HEMK2: variants seen among roughly 807,000 people sequenced by gnomAD.
The protein encoded by HEMK2 is HemK methyltransferase 2, ETF1 glutamine and histone H4 lysine.
At chr21:28,791,949 A>C in the HEMK2 span, among the ~76,000 whole-genome samples, 2 of 152,146 alleles carry the variant, frequency 1.3e-5, no homozygotes, top group Non-Finnish European at 2.9e-5. Context: ...GAAGAAAAAA[A>C]AAGAAAGCCC....
At chr21:28,715,485 AG>A in the HEMK2 span, among the ~76,000 whole-genome samples, 294 of 152,110 alleles carry the variant, frequency 1.9e-3, 2 homozygotes, top group African/African-American at 6.9e-3. Flanking sequence ...ACTTTTTAAT[AG>A]GGTTATTTAT....
the HEMK2 span, among the ~76,000 whole-genome samples, chr21:28,730,869 A>G: frequency 1.3e-5 from 2 of 152,086 alleles, no homozygotes; most frequent in African/African-American, 4.8e-5. Flanking sequence ...AAGAGATTAT[A>G]CATGTGTGTG....
the HEMK2 span, among the ~76,000 whole-genome samples, chr21:28,881,213 T>G: frequency 6.6e-6 from 1 of 152,220 alleles, no homozygotes; most frequent in Non-Finnish European, 1.5e-5. Flanking sequence ...TTCTTCTGAT[T>G]TAATTTCCTT....
At chr21:28,793,775 T>C in the HEMK2 span, among the ~76,000 whole-genome samples, 8 of 152,196 alleles carry the variant, frequency 5.3e-5, no homozygotes, top group African/African-American at 1.9e-4. Context: ...ACAAGTGCTT[T>C]ATAAGAAGCA....
chr21:28,861,288 A>G, the HEMK2 span, among the ~76,000 whole-genome samples: 152,341 of 152,342 alleles, frequency 1, 76,170 homozygotes, highest in Non-Finnish European at 1. Flanking sequence ...TGCTGTAATA[A>G]ACAGCAGAGG....
At chr21:28,812,141 C>T in the HEMK2 span, among the ~76,000 whole-genome samples, 14 of 152,084 alleles carry the variant, frequency 9.2e-5, no homozygotes, top group African/African-American at 3.4e-4. Context: ...TGTGGTCTAG[C>T]CAGAAGTATT....
the HEMK2 span, among the ~76,000 whole-genome samples, chr21:28,773,006 T>A: frequency 6.6e-6 from 1 of 152,168 alleles, no homozygotes; most frequent in Non-Finnish European, 1.5e-5. Flanking sequence ...CAAATAAAAA[T>A]TGCTTCAAGT....
At chr21:28,749,754 G>A in the HEMK2 span, among the ~76,000 whole-genome samples, 24,352 of 152,110 alleles carry the variant, frequency 0.16, 2,216 homozygotes, top group East Asian at 0.25. Flanking sequence ...AGAGGACATG[G>A]CTCTCGGCCA....
the HEMK2 span, among the ~76,000 whole-genome samples, chr21:28,756,059 T>TA: frequency 6.6e-6 from 1 of 152,148 alleles, no homozygotes; most frequent in Non-Finnish European, 1.5e-5. Flanking sequence ...TCATGAGTGT[T>TA]CTCCATAACT....
chr21:28,663,977 G>A, the HEMK2 span, among the ~76,000 whole-genome samples: 7 of 152,156 alleles, frequency 4.6e-5, no homozygotes, highest in African/African-American at 7.2e-5. Flanking sequence ...ACATACATAC[G>A]CATTGTACAT....
At chr21:28,794,719 A>T in the HEMK2 span, among the ~76,000 whole-genome samples, 1 of 152,262 alleles carries the variant, frequency 6.6e-6, no homozygotes, top group Non-Finnish European at 1.5e-5. Context: ...CACTGACTAC[A>T]GAGTTGACAA....
chr21:28,848,528 C>T, the HEMK2 span, among the ~76,000 whole-genome samples: 1 of 152,058 alleles, frequency 6.6e-6, no homozygotes, highest in African/African-American at 2.4e-5. Context: ...CCTCTAGTAA[C>T]TAATTTAATT....
chr21:28,795,609 A>C, the HEMK2 span, among the ~76,000 whole-genome samples: 1,252 of 152,360 alleles, frequency 8.2e-3, 10 homozygotes, highest in Admixed American at 0.021. Flanking sequence ...GAAAGGGCTC[A>C]GGAAAAACTA....
chr21:28,871,334 C>T, the HEMK2 span, among the ~76,000 whole-genome samples: 26,164 of 152,014 alleles, frequency 0.17, 2,354 homozygotes, highest in South Asian at 0.23. Flanking sequence ...GAAGGAGGCA[C>T]GTCCACATGG....
chr21:28,679,931 G>A, the HEMK2 span, among the ~76,000 whole-genome samples: 2 of 151,994 alleles, frequency 1.3e-5, no homozygotes, highest in Non-Finnish European at 2.9e-5. Flanking sequence ...AGCACTAAAT[G>A]CCCACAAGAG....
At chr21:28,839,954 T>C in the HEMK2 span, among the ~76,000 whole-genome samples, 3 of 152,106 alleles carry the variant, frequency 2.0e-5, no homozygotes, top group African/African-American at 4.8e-5. Context: ...TCACACTATC[T>C]GATTTCAAAC....
At chr21:28,799,256 A>G in the HEMK2 span, among the ~76,000 whole-genome samples, 1 of 152,234 alleles carries the variant, frequency 6.6e-6, no homozygotes, top group Non-Finnish European at 1.5e-5. Flanking sequence ...GGTGAAAGGC[A>G]TGTCTCACAT....
At chr21:28,876,857 G>A in the HEMK2 span, among the ~76,000 whole-genome samples, 1 of 152,036 alleles carries the variant, frequency 6.6e-6, no homozygotes, top group African/African-American at 2.4e-5. Flanking sequence ...CAATGAAGGT[G>A]TGGACAAACT....
the HEMK2 span, among the ~76,000 whole-genome samples, chr21:28,648,853 T>A: frequency 2.6e-5 from 4 of 152,158 alleles, no homozygotes; most frequent in Admixed American, 2.6e-4. Context: ...GCTACATATG[T>A]ATACATGTGC....
Sources: allele counts gnomAD v4.1 joint callset (sites outside exome capture counted in the v4.1 genomes callset), GRCh38; gene constraint gnomAD v4.1.1; transcripts MANE v1.5; gene names NCBI Gene and HGNC (gene_info 2026-07-23, HGNC 2026-07-21).